TTC28: variants seen among roughly 807,000 people sequenced by gnomAD.
TTC28 encodes tetratricopeptide repeat domain 28.
TTC28 carries 61 observed loss-of-function variants against 198.0 expected under a neutral mutation model. The observed-to-expected ratio is 0.31, with a 90% CI of 0.25 to 0.38. The LOEUF (loss-of-function observed/expected upper bound fraction) is 0.38. Ranked by LOEUF, TTC28 falls within the 10% of genes least tolerant of loss-of-function variation. The pLI is 1.00. For synonymous variants in TTC28, 1,171 were observed against 1,297.8 expected, an observed-to-expected ratio of 0.90 and a Z score of 2.10; for missense variants, 2,678 against 3,164.0, an observed-to-expected ratio of 0.85 and a Z score of 3.69.
At chr22:28,361,193 A>G (rs570803850) in intron 2 of TTC28, among the ~76,000 whole-genome samples, 1 of 152,344 alleles carries the variant, frequency 6.6e-6, no homozygotes, top group East Asian at 1.9e-4. Flanking sequence ...GATTATGCTT[A>G]GTGAGGAAGG....
intron 2 of TTC28, among the ~76,000 whole-genome samples, chr22:28,453,821 T>C (rs2047819580): frequency 6.6e-6 from 1 of 152,226 alleles, no homozygotes; most frequent in Non-Finnish European, 1.5e-5. Context: ...GATCTTTCTA[T>C]AAATTGGGTT....
At chr22:28,012,906 G>A (rs552706663) in intron 14 of TTC28, among the ~76,000 whole-genome samples, 1 of 152,304 alleles carries the variant, frequency 6.6e-6, no homozygotes, top group African/African-American at 2.4e-5. Context: ...TCCAGGAGGG[G>A]AAGCAGCTTT....
chr22:28,025,504 G>A (rs114347886), intron 13 of TTC28, among the ~76,000 whole-genome samples: 2,591 of 152,236 alleles, frequency 0.017, 88 homozygotes, highest in African/African-American at 0.059. Flanking sequence ...GCAGATGGCC[G>A]GCCTACACTG....
intron 5 of TTC28, among the ~76,000 whole-genome samples, chr22:28,219,522 A>T (rs924470902): frequency 2.6e-5 from 4 of 152,048 alleles, no homozygotes; most frequent in Admixed American, 2.0e-4. Context: ...AAAAAGAAAA[A>T]AAAAACAGCC....
chr22:28,407,459 C>T (rs1339503665), intron 2 of TTC28, among the ~76,000 whole-genome samples: 1 of 146,330 alleles, frequency 6.8e-6, no homozygotes, highest in Non-Finnish European at 1.5e-5. Context: ...CACATATACA[C>T]ACACATGCGT....
chr22:28,537,334 A>AAAATAAAAT, intron 2 of TTC28, among the ~76,000 whole-genome samples: 1 of 148,988 alleles, frequency 6.7e-6, no homozygotes, highest in East Asian at 2.1e-4. Context: ...AAAATAAAAT[A>AAAATAAAAT]AAATAAAAAC....
intron 6 of TTC28, among the ~76,000 whole-genome samples, chr22:28,109,187 C>G (rs1942413403): frequency 6.6e-6 from 1 of 152,136 alleles, no homozygotes; most frequent in African/African-American, 2.4e-5. Flanking sequence ...ACTGGAAAAT[C>G]AGAAACATCT....
At chr22:28,663,542 A>C (rs1294777084) in intron 1 of TTC28, among the ~76,000 whole-genome samples, 4 of 132,666 alleles carry the variant, frequency 3.0e-5, no homozygotes, top group Non-Finnish European at 6.4e-5. Flanking sequence ...TGACGGACGC[A>C]CCTGGAAAAT....
chr22:28,290,690 T>C (rs575562243), intron 5 of TTC28, among the ~76,000 whole-genome samples: 9 of 152,290 alleles, frequency 5.9e-5, no homozygotes, highest in African/African-American at 1.9e-4. Flanking sequence ...GGTGAGGGAA[T>C]TGCTTGAGCC....
intron 5 of TTC28, among the ~76,000 whole-genome samples, chr22:28,178,630 C>T (rs953541770): frequency 6.6e-6 from 1 of 152,102 alleles, no homozygotes; most frequent in Admixed American, 6.5e-5. Context: ...GGCATTTATA[C>T]CTGGGAGCAG....
intron 7 of TTC28, among the ~76,000 whole-genome samples, chr22:28,106,589 T>A (rs1235947297): frequency 3.9e-5 from 6 of 152,176 alleles, no homozygotes; most frequent in Non-Finnish European, 8.8e-5. Context: ...CATTTATGCA[T>A]TCTCCTATTA....
intron 2 of TTC28, among the ~76,000 whole-genome samples, chr22:28,472,656 C>G (rs917328721): frequency 6.7e-6 from 1 of 150,350 alleles, no homozygotes; most frequent in Non-Finnish European, 1.5e-5. Context: ...CTTTTAAATT[C>G]GAAGACCAGT....
rs1942267996 is a variant in TTC28 at position 28,105,494 on chromosome 22, T to C, written c.3092A>G (p.Asn1031Ser). Residue 1031 changes from asparagine (N) to serine (S), a missense_variant, in exon 8 of 23, where the codon AAC becomes AGC. Physicochemically the swap from Asn to Ser is conservative, Grantham distance 46 (BLOSUM62 1). Around this residue, in one of 8 missense-constraint regions of TTC28, gnomAD observed 727 missense variants for 861.9 expected, o/e 0.84. Coordinates refer to ENST00000397906, the MANE Select transcript of TTC28 (RefSeq NM_001145418.2). ...GGCTCGGCCCTGGCACGTGGGGTTG[T>C]TGGTTTCCTCTGCTATCTGTAGATC... ...QLDLQIAEET[N>S]NPTCQGRAYG... 2 of 1,551,656 alleles carry C rather than the reference T, an allele frequency of 1.3e-6. No individual in the cohort carries two copies. Among genetic ancestry groups the C allele is most frequent in the African/African-American group, 1.4e-5 (1 of 73,144 alleles).
chr22:28,634,527 A>G (rs1281854745), intron 1 of TTC28, among the ~76,000 whole-genome samples: 1 of 151,566 alleles, frequency 6.6e-6, no homozygotes, highest in East Asian at 1.9e-4. Flanking sequence ...AAAAAAAAGA[A>G]ACGGAAATTT....
chr22:28,323,198 G>A (rs1458598967), intron 2 of TTC28, among the ~76,000 whole-genome samples: 3 of 152,098 alleles, frequency 2.0e-5, no homozygotes, highest in African/African-American at 7.2e-5. Flanking sequence ...ACTCTTCAAT[G>A]CACAGACACT....
chr22:28,643,743 T>C (rs1466864479), intron 1 of TTC28, among the ~76,000 whole-genome samples: 2 of 152,222 alleles, frequency 1.3e-5, no homozygotes, highest in African/African-American at 4.8e-5. Flanking sequence ...GACTTTAATA[T>C]GTTAACGTAT....
chr22:28,677,555 C>T (rs1036272096), intron 1 of TTC28, among the ~76,000 whole-genome samples: 3 of 152,112 alleles, frequency 2.0e-5, no homozygotes, highest in Non-Finnish European at 4.4e-5. Context: ...ATTAGAATCG[C>T]TGGAATCTGG....
At chr22:28,163,691 G>A (rs1921516417) in intron 5 of TTC28, 92 bp from the exon 6 acceptor site, 2 of 1,370,276 alleles carry the variant, frequency 1.5e-6, no homozygotes, top group Non-Finnish European at 1.9e-6. Flanking sequence ...TTGCAAGATG[G>A]CCGAATAGGA....
intron 2 of TTC28, among the ~76,000 whole-genome samples, chr22:28,425,532 A>G (rs770195668): frequency 7.9e-5 from 12 of 152,236 alleles, no homozygotes; most frequent in Admixed American, 2.0e-4. Flanking sequence ...AGTCTTACTC[A>G]TCAGTACCCT....
Sources: gnomAD v4.1 joint callset for allele counts (sites outside exome capture counted in the v4.1 genomes callset) on GRCh38, gnomAD v4.1.1 for gene constraint, gnomAD v4.1.1 regional missense constraint, MANE v1.5 for transcripts, NCBI Gene and HGNC (gene_info 2026-07-23, HGNC 2026-07-21) for gene names.